Variants in RIC1 observed in about 807,000 individuals in gnomAD.
The protein encoded by RIC1 is RIC1 partner of RAB6A GEF complex, also known as guanine nucleotide exchange factor subunit RIC1.
A neutral mutation model predicts 169.0 loss-of-function variants in RIC1; 88 were observed. The observed-to-expected ratio is 0.52, with a 90% CI of 0.44 to 0.62. RIC1 has a LOEUF of 0.62. Ranked by LOEUF, RIC1 falls within the 20% of genes least tolerant of loss-of-function variation. The pLI, the probability that RIC1 is intolerant of heterozygous loss-of-function variation, is 0.00. For missense variants in RIC1, 1,877 were observed against 1,725.5 expected (o/e 1.09, Z -1.56); for synonymous variants, 790 against 601.5 (o/e 1.31, Z -4.59).
At chr9:5,693,910 A>T (rs1159444251) in intron 3 of RIC1, among the ~76,000 whole-genome samples, 1 of 64,460 alleles carries the variant, frequency 1.6e-5, no homozygotes, top group Non-Finnish European at 2.5e-5. Flanking sequence ...GAGTTTCTTT[A>T]AAAAAAAAAA....
intron 12 of RIC1, among the ~76,000 whole-genome samples, chr9:5,752,734 C>T (rs1168845887): frequency 2.0e-5 from 3 of 152,256 alleles, no homozygotes; most frequent in African/African-American, 7.2e-5. Context: ...CCACACCTGG[C>T]CTAAGCATTG....
downstream of RIC1, among the ~76,000 whole-genome samples, chr9:5,777,188 C>T (rs761172934): frequency 6.6e-5 from 10 of 152,026 alleles, no homozygotes; most frequent in Non-Finnish European, 1.5e-4. Flanking sequence ...TAGGTCGTTT[C>T]ATTGTTGACT....
chr9:5,762,491 A>T (rs767280697), intron 17 of RIC1, 50 bp from the exon 18 acceptor site: 66 of 1,604,744 alleles, frequency 4.1e-5, no homozygotes, highest in Non-Finnish European at 5.4e-5. Context: ...AGATGCGGAA[A>T]GCATACCGAT....
intron 23 of RIC1, 133 bp downstream of exon 23, chr9:5,770,411 A>G: frequency 3.7e-6 from 3 of 816,988 alleles, no homozygotes; most frequent in South Asian, 2.1e-5. Flanking sequence ...CTGGAGAGGT[A>G]GAAAGTTTGT....
intron 1 of RIC1, among the ~76,000 whole-genome samples, 196 bp downstream of exon 1, chr9:5,629,649 C>T (rs929365017): frequency 1.3e-5 from 2 of 152,170 alleles, no homozygotes; most frequent in Non-Finnish European, 2.9e-5. Context: ...AGCCGGCGGT[C>T]CGGGGTGGAT....
intron 2 of RIC1, among the ~76,000 whole-genome samples, chr9:5,680,778 G>C (rs1188867172): frequency 8.9e-6 from 1 of 111,852 alleles, no homozygotes; most frequent in Non-Finnish European, 1.9e-5. Flanking sequence ...TATCAATTTT[G>C]TTGATCTTTC....
At chr9:5,722,154 C>T (rs1823633941) in intron 6 of RIC1, among the ~76,000 whole-genome samples, 1 of 151,394 alleles carries the variant, frequency 6.6e-6, no homozygotes, top group Admixed American at 6.6e-5. Flanking sequence ...TCCCAATGTG[C>T]TGGGATTACA....
At chr9:5,680,887 C>T (rs1316051775) in intron 2 of RIC1, among the ~76,000 whole-genome samples, 6 of 119,096 alleles carry the variant, frequency 5.0e-5, no homozygotes, top group African/African-American at 1.3e-4. Context: ...AGTGCAGTGG[C>T]GCGATCTCGG....
intron 2 of RIC1, among the ~76,000 whole-genome samples, chr9:5,686,812 G>T (rs1159912655): frequency 6.6e-6 from 1 of 152,012 alleles, no homozygotes; most frequent in African/African-American, 2.4e-5. Flanking sequence ...GAGGGATCTT[G>T]GCCTGTAGTT....
At chr9:5,648,441 T>C (rs1818640039) in intron 1 of RIC1, among the ~76,000 whole-genome samples, 2 of 152,224 alleles carry the variant, frequency 1.3e-5, no homozygotes, top group Admixed American at 1.3e-4. Flanking sequence ...ACACTTAGGT[T>C]GATTCCATAT....
At chr9:5,658,798 G>A (rs1359401758) in intron 2 of RIC1, among the ~76,000 whole-genome samples, 1 of 150,912 alleles carries the variant, frequency 6.6e-6, no homozygotes, top group Non-Finnish European at 1.5e-5. Flanking sequence ...CTTGGGTAGT[G>A]ATAAAAGTTT....
Position 5,775,315 on chromosome 9 carries a change from T to G in RIC1, c.*1069T>G, listed in dbSNP as rs1827521494. On this transcript the variant is annotated 3_prime_UTR_variant, in exon 26 of 26. Transcript: ENST00000414202. The stretch of plus-strand genomic sequence containing the variant: ...AAGAATGCATTCTTCATTGTAAACT[T>G]AAAGTATTTTATGTACTTCTAGAAA... 6.6e-6 allele frequency: 1 copy of G among 152,182 alleles called. No individual in the cohort carries two copies. The highest frequency in any genetic ancestry group is 1.5e-5 in the Non-Finnish European group (1 of 68,004). 9.4% of individuals were successfully genotyped at this position (152,182 alleles called of 1,614,324 possible).
chr9:5,710,556 G>A (rs1015879174), intron 3 of RIC1, among the ~76,000 whole-genome samples: 2 of 152,176 alleles, frequency 1.3e-5, no homozygotes, highest in Admixed American at 1.3e-4. Context: ...CTGCAGACAC[G>A]TAGTCACCTT....
At chr9:5,671,531 C>T (rs1481576616) in intron 2 of RIC1, among the ~76,000 whole-genome samples, 1 of 152,186 alleles carries the variant, frequency 6.6e-6, no homozygotes, top group African/African-American at 2.4e-5. Flanking sequence ...CTGCCCCGGC[C>T]TCCCGAAGTG....
intron 1 of RIC1, among the ~76,000 whole-genome samples, chr9:5,651,002 C>T (rs1485238298): frequency 1.3e-5 from 2 of 152,154 alleles, no homozygotes; most frequent in Non-Finnish European, 2.9e-5. Context: ...CTGAAAATGA[C>T]ACCATGCTGT....
At position 5,680,144 on chromosome 9, in the gene RIC1, T is replaced by C. The variant is rs554104950; in HGVS notation, c.253-9815T>C. Among the ~76,000 whole-genome samples the C allele has an allele frequency of 1.8e-4, 28 of 152,332 alleles. No homozygotes were observed. In the South Asian group the frequency reaches 5.8e-3, roughly 32 times the overall value. ...CTCTGTTTATATGCTGGATTACATTTATTGATTTTCGTATGTTGAACCAGC... is the reference window on the plus strand; with the variant it reads ...CTCTGTTTATATGCTGGATTACATTCATTGATTTTCGTATGTTGAACCAGC... On this transcript the variant is annotated intron_variant, in intron 2 of 25. Transcript: ENST00000414202.
intron 6 of RIC1, among the ~76,000 whole-genome samples, chr9:5,728,562 G>C (rs374426334): frequency 1.3e-5 from 2 of 152,348 alleles, no homozygotes; most frequent in African/African-American, 4.8e-5. Flanking sequence ...ACAAGCCCTA[G>C]TGAGATGAAC....
chr9:5,759,446 A>G (rs1826202476), intron 17 of RIC1, among the ~76,000 whole-genome samples: 1 of 152,212 alleles, frequency 6.6e-6, no homozygotes, highest in South Asian at 2.1e-4. Context: ...TGAATCTTCT[A>G]GATTAAATAA....
intron 17 of RIC1, among the ~76,000 whole-genome samples, chr9:5,760,132 G>A (rs894814947): frequency 1.3e-5 from 2 of 152,222 alleles, no homozygotes; most frequent in Non-Finnish European, 2.9e-5. Flanking sequence ...AGTAGTAACA[G>A]TGAAAACTCT....
Sources: gnomAD v4.1 joint callset for allele counts (sites outside exome capture counted in the v4.1 genomes callset) on GRCh38, gnomAD v4.1.1 for gene constraint, MANE v1.5 for transcripts, NCBI Gene and HGNC (gene_info 2026-07-23, HGNC 2026-07-21) for gene names.